ZNF469: variants seen among roughly 807,000 people sequenced by gnomAD.
ZNF469 encodes zinc finger protein 469.
Under a neutral mutation model 1.0 loss-of-function variants are expected in ZNF469, and 1 was observed. The ratio of observed to expected loss-of-function variants is 1.00; its 90% confidence interval spans 0.35 to 4.73. ZNF469 has a LOEUF of 4.73. Among genes scored for constraint, ZNF469 ranks in the 30% most tolerant of loss-of-function variants. The pLI is 0.16. For synonymous variants in ZNF469, 2,703 were observed against 2,363.4 expected (o/e 1.14, Z -4.17); for missense variants, 6,100 against 5,356.3 (o/e 1.14, Z -4.33).
At chr16:88,184,516 A>T in the ZNF469 span, among the ~76,000 whole-genome samples, 1 of 151,606 alleles carries the variant, frequency 6.6e-6, no homozygotes, top group East Asian at 1.9e-4. Context: ...TCTTCTCACT[A>T]CTGAGAGGCA....
the ZNF469 span, among the ~76,000 whole-genome samples, chr16:88,298,995 C>A: frequency 1.3e-5 from 2 of 152,200 alleles, no homozygotes; most frequent in Admixed American, 6.5e-5. Context: ...CTAGGCCAGC[C>A]TGAGCCTGTC....
At chr16:88,209,055 C>T in the ZNF469 span, among the ~76,000 whole-genome samples, 44 of 152,232 alleles carry the variant, frequency 2.9e-4, no homozygotes, top group Non-Finnish European at 4.9e-4. Flanking sequence ...TGAAGTACAG[C>T]AAGCTTCTTT....
chr16:88,271,462 T>C, the ZNF469 span, among the ~76,000 whole-genome samples: 1 of 139,408 alleles, frequency 7.2e-6, no homozygotes, highest in Non-Finnish European at 1.6e-5. Context: ...GTGGGCGGAC[T>C]GGCTTCCAGG....
At chr16:88,417,508 G>T (rs1905335581) in intron 1 of ZNF469, among the ~76,000 whole-genome samples, 1 of 152,202 alleles carries the variant, frequency 6.6e-6, no homozygotes, top group Non-Finnish European at 1.5e-5. Context: ...GGCTCTGCTA[G>T]AAGGTTCCTG....
At chr16:88,184,647 C>G in the ZNF469 span, among the ~76,000 whole-genome samples, 1 of 152,010 alleles carries the variant, frequency 6.6e-6, no homozygotes, top group African/African-American at 2.4e-5. Context: ...GCACCGCTGT[C>G]GCCGCAAAGC....
At chr16:88,134,984 C>G in the ZNF469 span, among the ~76,000 whole-genome samples, 2 of 152,202 alleles carry the variant, frequency 1.3e-5, no homozygotes, top group African/African-American at 4.8e-5. Context: ...AAAAGAAAGT[C>G]CCCAGGCCGC....
the ZNF469 span, among the ~76,000 whole-genome samples, chr16:88,168,927 C>CA: frequency 2.0e-5 from 3 of 152,142 alleles, no homozygotes; most frequent in Admixed American, 6.5e-5. This position sits in a 1 kb window ranked among gnomAD's most constrained non-coding sequence, Gnocchi z 4.3. Context: ...GAGACCCCCC[C>CA]CTCTACAAAA....
chr16:88,327,633 C>T, the ZNF469 span, among the ~76,000 whole-genome samples: 3 of 152,148 alleles, frequency 2.0e-5, no homozygotes, highest in Non-Finnish European at 2.9e-5. Flanking sequence ...GGGCTGAGTG[C>T]TTCCAGGGCC....
Position 88,438,930 on chromosome 16 carries a change from C to T in ZNF469, c.11460C>T (p.Gly3820=), listed in dbSNP as rs1423240602. 6.4e-7 allele frequency: 1 copy of T among 1,550,552 alleles called. No homozygotes were observed. Among genetic ancestry groups the T allele is most frequent in the East Asian group, 2.4e-5 (1 of 40,920 alleles). Residue 3820 remains glycine, a synonymous_variant, in exon 3 of 3, where the codon GGC becomes GGT. Transcript: ENST00000565624. The part of the protein sequence containing the change: ...KGESSTKRKK[G]QVPGPARSES... ...AGAGCAGTACGAAGAGGAAAAAGGG[C>T]CAGGTCCCAGGGCCAGCCAGGAGTG...
rs1033872595 is a variant in ZNF469, at chr16:88,437,868, C to G, written c.10398C>G (p.Leu3466=). 1 of 1,539,282 alleles carries G rather than the reference C, an allele frequency of 6.5e-7. No homozygotes were observed. ...PGAPGQKARA[L]EGTLPSKRRR... ...CGCCGGGACAGAAGGCCCGGGCCCTCGAGGGCACACTGCCCAGCAAACGGC... is the reference window on the plus strand; with the variant it reads ...CGCCGGGACAGAAGGCCCGGGCCCTGGAGGGCACACTGCCCAGCAAACGGC... The change falls in exon 3 of 3, where the codon CTC becomes CTG. Residue 3466 remains leucine (L), a synonymous_variant. Coordinates refer to ENST00000565624, the MANE Select transcript of ZNF469 (RefSeq NM_001367624.2).
chr16:88,216,512 T>C, the ZNF469 span, among the ~76,000 whole-genome samples: 1 of 145,642 alleles, frequency 6.9e-6, no homozygotes, highest in Non-Finnish European at 1.5e-5. Flanking sequence ...AAAAAAAAGA[T>C]ATTATTCCAT....
the ZNF469 span, among the ~76,000 whole-genome samples, chr16:88,146,514 C>G: frequency 6.6e-6 from 1 of 152,094 alleles, no homozygotes; most frequent in Admixed American, 6.5e-5. Flanking sequence ...CACCCTCCCC[C>G]CAGTCTCAGC....
In ZNF469 at chr16:88,428,488, G is replaced by A. The variant is rs948103043; in HGVS notation, c.1018G>A (p.Gly340Ser). ...PAPSPLPCYQ[G>S]QPGGLNRHSD... ...GCCCTCACCCCTGCCCTGCTACCAG[G>A]GCCAGCCAGGTGGCCTGAACCGCCA... is the stretch of plus-strand genomic sequence containing the variant. Residue 340 changes from glycine to serine, a missense_variant, in exon 3 of 3, where the codon GGC becomes AGC. By Grantham distance (56) the Gly-to-Ser change is moderately conservative (BLOSUM62 0). Coordinates refer to ENST00000565624, the MANE Select transcript of ZNF469 (RefSeq NM_001367624.2). 1.3e-6 allele frequency: 2 copies of A among 1,549,558 alleles called. No individual in the cohort carries two copies. The highest frequency in any genetic ancestry group is 2.4e-5 in the East Asian group (1 of 40,902).
chr16:88,437,084 G>T lies in ZNF469; in HGVS notation c.9614G>T (p.Gly3205Val). Residue 3205 changes from glycine to valine, a missense_variant, in exon 3 of 3, where the codon GGG becomes GTG. Gly to Val is a moderately radical substitution (Grantham distance 109). Coordinates refer to ENST00000565624, the MANE Select transcript of ZNF469 (RefSeq NM_001367624.2). ...CACGCGGTCCGCTTCGCCCGCAGGG[G>T]GCAGGCGCGGAGGTCCTTGGGGGAC... ...REHAVRFARR[G>V]QARRSLGDLP... 1 of 1,544,098 alleles carries T rather than the reference G, an allele frequency of 6.5e-7. No individual in the cohort carries two copies. The highest frequency in any genetic ancestry group is 2.4e-5 in the East Asian group (1 of 40,828).
chr16:88,434,501 C>T lies in ZNF469; in HGVS notation c.7031C>T (p.Ala2344Val). ...TARLGHREGQ[A>V]VTAVPTEPPT... ...CGCCTCGGCCACAGGGAGGGCCAGG[C>T]TGTCACAGCTGTGCCCACTGAGCCT... Residue 2344 changes from alanine to valine, a missense_variant, in exon 3 of 3, where the codon GCT (alanine) becomes GTT (valine). By Grantham distance (64) the Ala-to-Val change is moderately conservative (BLOSUM62 0). Transcript: ENST00000565624. 1 of 1,550,214 alleles carries T rather than the reference C, an allele frequency of 6.5e-7. No individual in the cohort carries two copies.
At chr16:88,384,458 G>A (rs1205270593) in intron 1 of ZNF469, among the ~76,000 whole-genome samples, 2 of 152,174 alleles carry the variant, frequency 1.3e-5, no homozygotes, top group African/African-American at 4.8e-5. Flanking sequence ...CAGGGAGCTC[G>A]GAAGCTGGGG....
At chr16:88,203,131 G>A in the ZNF469 span, among the ~76,000 whole-genome samples, 5 of 152,094 alleles carry the variant, frequency 3.3e-5, no homozygotes, top group Admixed American at 6.5e-5. Context: ...TCTGAAGCTC[G>A]GAGTGGGAAG....
intron 1 of ZNF469, among the ~76,000 whole-genome samples, chr16:88,407,325 G>A (rs567802212): frequency 1.2e-4 from 15 of 129,220 alleles, no homozygotes; most frequent in African/African-American, 4.7e-4. Flanking sequence ...TGAGCTGGGA[G>A]CCGGCATCAT....
the ZNF469 span, among the ~76,000 whole-genome samples, chr16:88,344,304 G>T: frequency 6.6e-6 from 1 of 152,150 alleles, no homozygotes; most frequent in Admixed American, 6.5e-5. Flanking sequence ...TCATACCAAC[G>T]TGTCGATGCT....
Sources: allele counts gnomAD v4.1 joint callset (sites outside exome capture counted in the v4.1 genomes callset), GRCh38; gene constraint gnomAD v4.1.1; non-coding constraint Gnocchi (gnomAD v3.1); transcripts MANE v1.5; gene names NCBI Gene and HGNC (gene_info 2026-07-23, HGNC 2026-07-21).